NPR2: variants seen among roughly 807,000 people sequenced by gnomAD.
The protein encoded by NPR2 is natriuretic peptide receptor 2.
A neutral mutation model predicts 120.7 loss-of-function variants in NPR2; 49 were observed. That is an observed-to-expected ratio of 0.41 (90% CI 0.32 to 0.52). NPR2 has a LOEUF of 0.52. Ranked by LOEUF, NPR2 falls within the 20% of genes least tolerant of loss-of-function variation. The probability of loss-of-function intolerance (pLI) is 0.36; values close to 1 mark genes in which losing one functional copy is unlikely to be tolerated. For synonymous variants in NPR2, 484 were observed against 519.8 expected (o/e 0.93, Z 0.94); for missense variants, 931 against 1,362.9 (o/e 0.68, Z 4.99).
At position 35,809,512 on chromosome 9, in the gene NPR2, T is replaced by G; in HGVS notation, c.*67T>G. ...ACCTGGGTGGGCAATGGCCACCATG[T>G]CTGCACACACCAGAAATGGACATTT... is the stretch of plus-strand genomic sequence containing the variant. On this transcript the variant is annotated 3_prime_UTR_variant, in exon 22 of 22. Transcript: ENST00000342694. This position sits in a 1 kb window ranked among gnomAD's most constrained non-coding sequence, Gnocchi z 4.1. 1 of 1,612,582 alleles carries G rather than the reference T, an allele frequency of 6.2e-7. No individual in the cohort carries two copies. The highest frequency in any genetic ancestry group is 1.1e-5 in the South Asian group (1 of 91,052).
At position 35,792,493 on chromosome 9, in the gene NPR2, G is replaced by T; in HGVS notation, c.85G>T (p.Val29Leu). 6.2e-7 allele frequency: 1 copy of T among 1,610,550 alleles called. No homozygotes were observed. Among genetic ancestry groups the T allele is most frequent in the Non-Finnish European group, 8.5e-7 (1 of 1,179,908 alleles). ...CGGGGCGCGGAACCTGACGCTGGCG[G>T]TGGTGCTGCCAGAACACAACCTGAG... ...PPGARNLTLA[V>L]VLPEHNLSYA... The change falls in exon 1 of 22, where the codon GTG (valine) becomes TTG (leucine). Residue 29 changes from valine to leucine, a missense_variant. Around this residue, in one of 3 missense-constraint regions of NPR2, gnomAD observed 681 missense variants for 974.3 expected, o/e 0.70. Coordinates refer to ENST00000342694, the MANE Select transcript of NPR2 (RefSeq NM_003995.4).
chr9:35,796,422 T>A (rs141376650), intron 2 of NPR2, among the ~76,000 whole-genome samples: 40 of 152,306 alleles, frequency 2.6e-4, no homozygotes, highest in African/African-American at 9.4e-4. Flanking sequence ...TGGGCTCAAA[T>A]GATCTTCTTG....
Position 35,806,300 on chromosome 9 carries a change from T to A in NPR2, c.2372+67T>A. ...GACTCATTAGTCCTAGTGCATGAAG[T>A]GGGGCAGGTGGGACCAGAGGGTGGG... is the stretch of plus-strand genomic sequence containing the variant. On this transcript the variant is annotated intron_variant, in intron 15 of 21. Transcript: ENST00000342694. This position sits in a 1 kb window ranked among gnomAD's most constrained non-coding sequence, Gnocchi z 4.6. 9 of 1,609,648 alleles carry A rather than the reference T, an allele frequency of 5.6e-6. No homozygotes were observed. The highest frequency in any genetic ancestry group is 7.7e-6 in the Non-Finnish European group (9 of 1,176,142).
rs1480832280 is a variant in NPR2 at position 35,805,554 on chromosome 9, G to A, written c.1931G>A (p.Ser644Asn). ...LHNSIISSHG[S>N]LKSSNCVVDS... ...AACAGCATTATTTCATCGCATGGGAGTCTCAAGTCCTCCAACTGTGTGGTG... is the reference window on the plus strand; with the variant it reads ...AACAGCATTATTTCATCGCATGGGAATCTCAAGTCCTCCAACTGTGTGGTG... The change falls in exon 13 of 22, where the codon AGT becomes AAT. Residue 644 changes from serine (S) to asparagine (N), a missense_variant. By Grantham distance (46) the Ser-to-Asn change is conservative. Transcript: ENST00000342694. This position sits in a 1 kb window ranked among gnomAD's most constrained non-coding sequence, Gnocchi z 4.9. 5 of 1,614,200 alleles carry A rather than the reference G, an allele frequency of 3.1e-6. No individual in the cohort carries two copies. The highest frequency in any genetic ancestry group is 3.3e-4 in the Middle Eastern group (2 of 6,060).
chr9:35,802,462 C>A lies in NPR2; in HGVS notation c.1711-41C>A. 8.2e-7 allele frequency: 1 copy of A among 1,219,684 alleles called. No individual in the cohort carries two copies. The highest frequency in any genetic ancestry group is 1.2e-6 in the Non-Finnish European group (1 of 819,792). 75.6% of individuals were successfully genotyped at this position (1,219,684 alleles called of 1,614,324 possible). A position where few individuals can be genotyped will look rare whatever the true frequency, so the allele number is the denominator to read the frequency against. On this transcript the variant is annotated intron_variant, in intron 10 of 21. Transcript: ENST00000342694. The surrounding 1 kb of genome is among the most constrained non-coding windows in gnomAD (Gnocchi z 4.2). ...AAGTTTCTGTATCTAATTTTTAACT[C>A]TTTCAATTTTCTTATCCTTCCCATT...
chr9:35,806,935 C>A lies in NPR2; in HGVS notation c.2520-88C>A. On this transcript the variant is annotated intron_variant, in intron 16 of 21. Transcript: ENST00000342694. The surrounding 1 kb of genome is among the most constrained non-coding windows in gnomAD (Gnocchi z 4.6). ...AAAGCCTAGCTTTCTTGTTACAGCT[C>A]ATCTCTGCTGCAGCCACATACACTT... The A allele has an allele frequency of 6.9e-7, 1 of 1,440,022 alleles. No homozygotes were observed. Among genetic ancestry groups the A allele is most frequent in the Admixed American group, 1.7e-5 (1 of 57,724 alleles). 89.2% of individuals were successfully genotyped at this position (1,440,022 alleles called of 1,614,324 possible). A position where few individuals can be genotyped will look rare whatever the true frequency, so the allele number is the denominator to read the frequency against.
intron 18 of NPR2, among the ~76,000 whole-genome samples, chr9:35,807,874 T>C (rs1588070848): frequency 6.6e-6 from 1 of 152,208 alleles, no homozygotes; most frequent in East Asian, 1.9e-4. Context: ...TGGCCTTAGG[T>C]AAGTCACAGA....
rs879255257 is a variant in NPR2 at position 35,800,124 on chromosome 9, AT to A, written c.1092del (p.Ile364MetfsTer13). On this transcript the variant is annotated frameshift_variant, in exon 4 of 22. Coordinates refer to ENST00000342694, the MANE Select transcript of NPR2 (RefSeq NM_003995.4). LOFTEE classifies it high-confidence loss of function. The surrounding 1 kb of genome is among the most constrained non-coding windows in gnomAD (Gnocchi z 4.7). Reference sequence around the variant, plus strand: ...AGGCACCCGGGAGGATGGACTTCGAATTGTGGAAAAGATGCAGGGACGAAGA... The same window carrying A: ...AGGCACCCGGGAGGATGGACTTCGAATGTGGAAAAGATGCAGGGACGAAGA... ...EGGTREDGLRIVEKMQGRRYH... is the reference protein window; with the variant it reads ...EGGTREDGLRXVEKMQGRRYH... 16 of 1,614,022 alleles carry A rather than the reference AT, an allele frequency of 9.9e-6. No homozygotes were observed. Among genetic ancestry groups the A allele is most frequent in the Non-Finnish European group, 1.4e-5 (16 of 1,179,884 alleles).
rs771373457 is a variant in NPR2 at position 35,808,833 on chromosome 9, G to T, written c.2966G>T (p.Arg989Leu). 1.1e-5 allele frequency: 17 copies of T among 1,606,366 alleles called. No homozygotes were observed. Among genetic ancestry groups the T allele is most frequent in the Non-Finnish European group, 6.0e-6 (7 of 1,173,040 alleles). The part of the protein sequence containing the change: ...LFGDTVNTAS[R>L]MESNGQALKI... The stretch of plus-strand genomic sequence containing the variant: ...GGAGACACAGTGAACACTGCTTCTC[G>T]AATGGAGTCTAATGGTCAAGGTAAG... Residue 989 changes from arginine (R) to leucine (L), a missense_variant, in exon 20 of 22, where the codon CGA becomes CTA. Arg to Leu is a moderately radical substitution (Grantham distance 102). Transcript: ENST00000342694. This position sits in a 1 kb window ranked among gnomAD's most constrained non-coding sequence, Gnocchi z 4.0.
At position 35,799,620 on chromosome 9, in the gene NPR2, T is replaced by A; in HGVS notation, c.876T>A (p.Thr292=). 1 of 1,607,948 alleles carries A rather than the reference T, an allele frequency of 6.2e-7. No individual in the cohort carries two copies. Among genetic ancestry groups the A allele is most frequent in the Non-Finnish European group, 8.5e-7 (1 of 1,174,402 alleles). ...TTCCCCATATGCTGCTGGTACAGAC[T>A]GTATTGGTGATCACGTACCGAGAAC... is the stretch of plus-strand genomic sequence containing the variant. ...QAQALREAFQ[T]VLVITYREPP... Residue 292 remains threonine (T), a splice_region_variant and synonymous_variant, in exon 3 of 22, where the codon ACT becomes ACA. Transcript: ENST00000342694.
At position 35,805,449 on chromosome 9, in the gene NPR2, T is replaced by C. The variant is rs1828332325; in HGVS notation, c.1888-62T>C. On this transcript the variant is annotated intron_variant, in intron 12 of 21. Transcript: ENST00000342694. This position sits in a 1 kb window ranked among gnomAD's most constrained non-coding sequence, Gnocchi z 4.9. ...AGACAGCTAGCCAGTGCCCATCTCA[T>C]GGAGAGAGGGTATTCTAAGCCAGAT... The C allele has an allele frequency of 7.1e-6, 11 of 1,538,496 alleles. No individual in the cohort carries two copies. Among genetic ancestry groups the C allele is most frequent in the South Asian group, 5.6e-5 (5 of 89,522 alleles).
In NPR2 at chr9:35,802,120, T is replaced by G; in HGVS notation, c.1633-86T>G. ...GACTCTCTGTGCCCAGCTGAGCTCC[T>G]GGGTGCTTCCACTGCTCTCTAGCAT... On this transcript the variant is annotated intron_variant, in intron 9 of 21. Coordinates refer to ENST00000342694, the MANE Select transcript of NPR2 (RefSeq NM_003995.4). The surrounding 1 kb of genome is among the most constrained non-coding windows in gnomAD (Gnocchi z 4.2). The G allele has an allele frequency of 7.6e-7, 1 of 1,317,020 alleles. No individual in the cohort carries two copies. The highest frequency in any genetic ancestry group is 1.1e-6 in the Non-Finnish European group (1 of 908,832). The allele number at this position is 1,317,020 out of a possible 1,614,324, so 81.6% of individuals were successfully genotyped here. A position where few individuals can be genotyped will look rare whatever the true frequency, so the allele number is the denominator to read the frequency against.
Position 35,805,312 on chromosome 9 carries a change from G to C in NPR2, c.1888-199G>C, listed in dbSNP as rs1440245797. ...CCTGGTGGCTGGGTGCCTGTGTCCT[G>C]CTTATGATACCAGGAACAGATGACT... On this transcript the variant is annotated intron_variant, in intron 12 of 21. Coordinates refer to ENST00000342694, the MANE Select transcript of NPR2 (RefSeq NM_003995.4). This position sits in a 1 kb window ranked among gnomAD's most constrained non-coding sequence, Gnocchi z 4.9. Among the ~76,000 whole-genome samples the C allele has an allele frequency of 6.6e-6, 1 of 152,140 alleles. No homozygotes were observed. The highest frequency in any genetic ancestry group is 6.5e-5 in the Admixed American group (1 of 15,284).
intron 2 of NPR2, among the ~76,000 whole-genome samples, chr9:35,798,329 C>G (rs908379954): frequency 1.3e-5 from 2 of 152,158 alleles, no homozygotes; most frequent in Non-Finnish European, 2.9e-5. Flanking sequence ...TATTTCAACC[C>G]TTTCCTCAAT....
rs1269706902 is a variant in NPR2 at position 35,803,347 on chromosome 9, G to A, written c.1887+544G>A. Reference sequence around the variant, plus strand: ...TCTCGATCTCTTGACCTCGTGATCCGCCCGCCTCGGCCTCCCAAAGTGCTG... The same window carrying A: ...TCTCGATCTCTTGACCTCGTGATCCACCCGCCTCGGCCTCCCAAAGTGCTG... On this transcript the variant is annotated intron_variant, in intron 12 of 21. Transcript: ENST00000342694. 6.1e-5 allele frequency among the ~76,000 whole-genome samples: 5 copies of A among 82,234 alleles called. 1 individual carries two copies. Among genetic ancestry groups the A allele is most frequent in the African/African-American group, 3.2e-4 (4 of 12,396 alleles). The allele number at this position is 82,234 out of a possible 152,430, so 53.9% of individuals were successfully genotyped here.
At position 35,799,660 on chromosome 9, in the gene NPR2, T is replaced by G; in HGVS notation, c.916T>G (p.Tyr306Asp). Residue 306 changes from tyrosine to aspartate, a missense_variant, in exon 3 of 22, where the codon TAT becomes GAT. Tyr to Asp is a radical substitution (Grantham distance 160). Around this residue, in one of 3 missense-constraint regions of NPR2, gnomAD observed 681 missense variants for 974.3 expected, o/e 0.70. Transcript: ENST00000342694. ...ITYREPPNPEYQEFQNRLLIR... is the reference protein window; with the variant it reads ...ITYREPPNPEDQEFQNRLLIR... ...GTACCGAGAACCCCCAAATCCTGAGTATCAGGAATTCCAGAATCGTCTGCT... is the reference window on the plus strand; with the variant it reads ...GTACCGAGAACCCCCAAATCCTGAGGATCAGGAATTCCAGAATCGTCTGCT... 3.1e-6 allele frequency: 5 copies of G among 1,613,844 alleles called. No individual in the cohort carries two copies. The highest frequency in any genetic ancestry group is 4.2e-6 in the Non-Finnish European group (5 of 1,179,946).
In NPR2 at chr9:35,806,224, G is replaced by T; in HGVS notation, c.2363G>T (p.Arg788Leu). Residue 788 changes from arginine (R) to leucine (L), a missense_variant, in exon 15 of 22, where the codon CGC becomes CTC. Around this residue, in one of 3 missense-constraint regions of NPR2, gnomAD observed 66 missense variants for 60.3 expected, o/e 1.09. Coordinates refer to ENST00000342694, the MANE Select transcript of NPR2 (RefSeq NM_003995.4). This position sits in a 1 kb window ranked among gnomAD's most constrained non-coding sequence, Gnocchi z 4.6. Reference sequence around the variant, plus strand: ...GGACAGATTAAGGGCTTCATTCGGCGCTTTAACAAGTGAGAGGGCATTATG... The same window carrying T: ...GGACAGATTAAGGGCTTCATTCGGCTCTTTAACAAGTGAGAGGGCATTATG... ...DFGQIKGFIRRFNKEGGTSIL... is the reference protein window; with the variant it reads ...DFGQIKGFIRLFNKEGGTSIL... 2 of 1,614,128 alleles carry T rather than the reference G, an allele frequency of 1.2e-6. No homozygotes were observed. The highest frequency in any genetic ancestry group is 1.7e-6 in the Non-Finnish European group (2 of 1,180,028).
In NPR2 at chr9:35,806,216, C is replaced by T. The variant is rs774831270; in HGVS notation, c.2355C>T (p.Phe785=). Residue 785 remains phenylalanine, a synonymous_variant, in exon 15 of 22, where the codon TTC becomes TTT. Coordinates refer to ENST00000342694, the MANE Select transcript of NPR2 (RefSeq NM_003995.4). The surrounding 1 kb of genome is among the most constrained non-coding windows in gnomAD (Gnocchi z 4.6). ...ERPDFGQIKG[F]IRRFNKEGGT... is the part of the protein sequence containing the mutation. ...CAGACTTTGGACAGATTAAGGGCTTCATTCGGCGCTTTAACAAGTGAGAGG... is the reference window on the plus strand; with the variant it reads ...CAGACTTTGGACAGATTAAGGGCTTTATTCGGCGCTTTAACAAGTGAGAGG... 8 of 1,614,206 alleles carry T rather than the reference C, an allele frequency of 5.0e-6. No individual in the cohort carries two copies. Among genetic ancestry groups the T allele is most frequent in the Non-Finnish European group, 6.8e-6 (8 of 1,180,046 alleles).
rs532898375 is a variant in NPR2 at position 35,800,927 on chromosome 9, C to T, written c.1351+86C>T. ...ACCCTCACTGACCCTCCACTCTTAA[C>T]TGTGCTTCTGCCTTTACGTCTGCAT... On this transcript the variant is annotated intron_variant, in intron 6 of 21. Coordinates refer to ENST00000342694, the MANE Select transcript of NPR2 (RefSeq NM_003995.4). This position sits in a 1 kb window ranked among gnomAD's most constrained non-coding sequence, Gnocchi z 4.7. The T allele has an allele frequency of 5.0e-6, 8 of 1,589,810 alleles. No homozygotes were observed. In the South Asian group the frequency reaches 6.6e-5, roughly 13 times the overall value.
Sources: gnomAD v4.1 joint callset for allele counts (sites outside exome capture counted in the v4.1 genomes callset) on GRCh38, gnomAD v4.1.1 for gene constraint, gnomAD v4.1.1 regional missense constraint, Gnocchi (gnomAD v3.1) non-coding constraint, MANE v1.5 for transcripts, NCBI Gene and HGNC (gene_info 2026-07-23, HGNC 2026-07-21) for gene names.